The following CNTN5 variants were observed in gnomAD, a reference collection of about 807,000 sequenced individuals.
CNTN5 encodes contactin 5, also known as contactin-5.
Under a neutral mutation model 129.1 loss-of-function variants are expected in CNTN5, and 77 were observed. The observed-to-expected ratio is 0.60, with a 90% CI of 0.50 to 0.72. CNTN5 has a LOEUF of 0.72. Ranked by LOEUF, CNTN5 falls within the 30% of genes least tolerant of loss-of-function variation. The pLI is 0.00. For synonymous variants in CNTN5, 509 were observed against 465.6 expected, an observed-to-expected ratio of 1.09 and a Z score of -1.20; for missense variants, 1,478 against 1,328.8, an observed-to-expected ratio of 1.11 and a Z score of -1.75.
intron 6 of CNTN5, among the ~76,000 whole-genome samples, chr11:99,897,800 T>C (rs7105846): frequency 0.11 from 16,683 of 152,128 alleles, 1,580 homozygotes; most frequent in African/African-American, 0.24. Flanking sequence ...ATATCAATAT[T>C]AATCTTGAAT....
chr11:100,204,292 TG>T (rs1948857860), intron 15 of CNTN5, among the ~76,000 whole-genome samples: 1 of 32,942 alleles, frequency 3.0e-5, no homozygotes, highest in Non-Finnish European at 7.0e-5. Flanking sequence ...AAACAAACAT[TG>T]ACTAATATAT....
chr11:99,812,455 TAAC>T (rs1946457912), intron 3 of CNTN5, among the ~76,000 whole-genome samples: 1 of 152,052 alleles, frequency 6.6e-6, no homozygotes, highest in Non-Finnish European at 1.5e-5. Context: ...TAGATAATAA[TAAC>T]AAAAAATAAT....
At chr11:99,511,783 G>A (rs1040699766) in intron 2 of CNTN5, among the ~76,000 whole-genome samples, 3 of 151,738 alleles carry the variant, frequency 2.0e-5, no homozygotes, top group African/African-American at 7.2e-5. Context: ...TAACTAACCT[G>A]CACATTGTGC....
chr11:99,584,231 G>A (rs374532316), intron 3 of CNTN5, among the ~76,000 whole-genome samples: 33 of 152,120 alleles, frequency 2.2e-4, no homozygotes, highest in African/African-American at 7.2e-4. Flanking sequence ...GTACATTACC[G>A]GGACATAACA....
At chr11:99,438,352 T>C (rs974691689) in intron 2 of CNTN5, among the ~76,000 whole-genome samples, 3 of 152,200 alleles carry the variant, frequency 2.0e-5, no homozygotes, top group African/African-American at 7.2e-5. Context: ...CCAGCCAAGA[T>C]GTTCAAGTGA....
chr11:100,002,973 C>A (rs1939967324), intron 9 of CNTN5, among the ~76,000 whole-genome samples: 1 of 151,830 alleles, frequency 6.6e-6, no homozygotes, highest in Non-Finnish European at 1.5e-5. Context: ...CACAATATAA[C>A]TATAAAGTAC....
chr11:99,632,939 C>T (rs1951417524), intron 3 of CNTN5, among the ~76,000 whole-genome samples: 1 of 152,018 alleles, frequency 6.6e-6, no homozygotes, highest in African/African-American at 2.4e-5. Flanking sequence ...AGACAAAATA[C>T]TGCAAAATAA....
chr11:99,039,925 A>T (rs950399736), intron 1 of CNTN5, among the ~76,000 whole-genome samples: 1 of 151,940 alleles, frequency 6.6e-6, no homozygotes, highest in African/African-American at 2.4e-5. Context: ...TTAAGAAAAA[A>T]CTCAAACTTT....
intron 3 of CNTN5, among the ~76,000 whole-genome samples, chr11:99,754,889 C>G (rs986305178): frequency 1.3e-5 from 2 of 152,126 alleles, no homozygotes; most frequent in African/African-American, 4.8e-5. Context: ...AGTTTTAATG[C>G]CTTAAAAATA....
At chr11:100,165,129 ATAAAAAAT>A (rs1377413190) in intron 13 of CNTN5, among the ~76,000 whole-genome samples, 1 of 151,836 alleles carries the variant, frequency 6.6e-6, no homozygotes, top group Admixed American at 6.6e-5. Context: ...GGCAGCAAAA[ATAAAAAAT>A]TAAAGAGGCA....
intron 3 of CNTN5, among the ~76,000 whole-genome samples, chr11:99,651,631 G>C (rs1375434664): frequency 6.6e-6 from 1 of 151,642 alleles, no homozygotes; most frequent in Non-Finnish European, 1.5e-5. Flanking sequence ...AGAACAGACT[G>C]GTTTAAAAAA....
chr11:99,773,952 C>T (rs1343638923), intron 3 of CNTN5, among the ~76,000 whole-genome samples: 1 of 152,064 alleles, frequency 6.6e-6, no homozygotes, highest in Non-Finnish European at 1.5e-5. Flanking sequence ...TATGTAAGTG[C>T]TTATCCTGCT....
intron 2 of CNTN5, among the ~76,000 whole-genome samples, chr11:99,549,907 A>T (rs1948426715): frequency 6.6e-6 from 1 of 152,138 alleles, no homozygotes; most frequent in African/African-American, 2.4e-5. Flanking sequence ...AGTAATCTCG[A>T]ACCATACTTT....
chr11:99,620,665 C>CAAATAGTG (rs1950917439), intron 3 of CNTN5, among the ~76,000 whole-genome samples: 1 of 151,982 alleles, frequency 6.6e-6, no homozygotes, highest in African/African-American at 2.4e-5. Flanking sequence ...AGTTGCATAT[C>CAAATAGTG]AAATAGTGGG....
chr11:99,791,851 T>G (rs1182154739), intron 3 of CNTN5, among the ~76,000 whole-genome samples: 4 of 152,194 alleles, frequency 2.6e-5, no homozygotes, highest in Non-Finnish European at 4.4e-5. Context: ...CTAGGTATTT[T>G]ATTCCTTTTG....
At position 100,191,260 on chromosome 11, in the gene CNTN5, C is replaced by T. The variant is rs757316305; in HGVS notation, c.1708+7C>T. The T allele has an allele frequency of 2.5e-6, 4 of 1,608,388 alleles. No individual in the cohort carries two copies. The African/African-American group carries it at 5.4e-5, about 22-fold the overall frequency. On this transcript the variant is annotated splice_region_variant and intron_variant, in intron 14 of 24. Coordinates refer to ENST00000524871, the MANE Select transcript of CNTN5 (RefSeq NM_014361.4). ...GCTTCGCTATCTGTAAAAGGTAAGA[C>T]AGCACGGGTAAATGTTTTACAAGCA...
chr11:99,953,375 T>G (rs950500120), intron 7 of CNTN5, among the ~76,000 whole-genome samples: 6 of 152,178 alleles, frequency 3.9e-5, no homozygotes, highest in Non-Finnish European at 7.3e-5. Context: ...ATCTGGACAT[T>G]CAATTAGGGC....
At chr11:99,902,952 A>T (rs1453418682) in intron 6 of CNTN5, among the ~76,000 whole-genome samples, 1 of 152,182 alleles carries the variant, frequency 6.6e-6, no homozygotes, top group Non-Finnish European at 1.5e-5. Flanking sequence ...AAAATTGATC[A>T]CTAGTCAACT....
chr11:99,771,091 C>A (rs1944929914), intron 3 of CNTN5, among the ~76,000 whole-genome samples: 1 of 152,032 alleles, frequency 6.6e-6, no homozygotes, highest in African/African-American at 2.4e-5. Context: ...TGGACTTTCA[C>A]ATACAGAATA....
Sources: gnomAD v4.1 joint callset for allele counts (sites outside exome capture counted in the v4.1 genomes callset) on GRCh38, gnomAD v4.1.1 for gene constraint, MANE v1.5 for transcripts, NCBI Gene and HGNC (gene_info 2026-07-23, HGNC 2026-07-21) for gene names.